PPP2R2B: variants seen among roughly 807,000 people sequenced by gnomAD.
PPP2R2B encodes protein phosphatase 2 regulatory subunit Bbeta, also known as serine/threonine-protein phosphatase 2A 55 kDa regulatory subunit B beta isoform.
PPP2R2B carries 5 observed loss-of-function variants against 46.0 expected under a neutral mutation model. The ratio of observed to expected loss-of-function variants is 0.11; its 90% CI spans 0.06 to 0.23. The LOEUF (loss-of-function observed/expected upper bound fraction) is 0.23, where lower values mean the gene tolerates loss of function less well. Among genes scored for constraint, PPP2R2B ranks in the 10% least tolerant of loss-of-function variants. The pLI, the probability that PPP2R2B is intolerant of heterozygous loss-of-function variation, is 1.00. For missense variants in PPP2R2B, 367 were observed against 575.0 expected, an observed-to-expected ratio of 0.64 and a Z score of 3.70; for synonymous variants, 215 against 206.7, an observed-to-expected ratio of 1.04 and a Z score of -0.34.
chr5:146,672,233 T>C (rs574504462), intron 5 of PPP2R2B, among the ~76,000 whole-genome samples: 10 of 152,332 alleles, frequency 6.6e-5, no homozygotes, highest in African/African-American at 2.4e-4. Context: ...AGCAACATTC[T>C]TGTTTTCGAG....
At chr5:146,819,661 G>T (rs997689726) in intron 2 of PPP2R2B, among the ~76,000 whole-genome samples, 2 of 152,012 alleles carry the variant, frequency 1.3e-5, no homozygotes, top group African/African-American at 4.8e-5. Flanking sequence ...AAATGAATTT[G>T]CTTTTTTTAA....
chr5:147,054,336 G>A (rs553521723), intron 1 of PPP2R2B, among the ~76,000 whole-genome samples: 1 of 152,234 alleles, frequency 6.6e-6, no homozygotes, highest in South Asian at 2.1e-4. Flanking sequence ...TTCTCCTGGA[G>A]ATTTTAGTCC....
At chr5:146,629,637 C>G (rs1271635517) in intron 7 of PPP2R2B, among the ~76,000 whole-genome samples, 2 of 152,152 alleles carry the variant, frequency 1.3e-5, no homozygotes, top group African/African-American at 4.8e-5. Flanking sequence ...TGCAAGTGCT[C>G]TGCTCTGGCC....
chr5:146,755,737 A>G (rs1375001263), intron 2 of PPP2R2B, among the ~76,000 whole-genome samples: 1 of 152,200 alleles, frequency 6.6e-6, no homozygotes. Flanking sequence ...TTAAAAGTAA[A>G]CTTTGTATTG....
intron 2 of PPP2R2B, among the ~76,000 whole-genome samples, chr5:146,838,851 C>A (rs1022594766): frequency 6.6e-6 from 1 of 152,178 alleles, no homozygotes; most frequent in African/African-American, 2.4e-5. Context: ...AAATGACTGC[C>A]TTCCCAAGGC....
intron 1 of PPP2R2B, among the ~76,000 whole-genome samples, chr5:147,019,692 G>T (rs1247546957): frequency 6.6e-6 from 1 of 152,088 alleles, no homozygotes; most frequent in Non-Finnish European, 1.5e-5. Flanking sequence ...ATATAGCAAG[G>T]TGGCTCTTGT....
intron 5 of PPP2R2B, among the ~76,000 whole-genome samples, chr5:146,685,104 G>A (rs774542242): frequency 1.3e-5 from 2 of 152,196 alleles, no homozygotes; most frequent in African/African-American, 4.8e-5. Flanking sequence ...AGTAGACACT[G>A]AGATACAAAA....
chr5:146,681,908 T>C (rs1156823771), intron 5 of PPP2R2B, among the ~76,000 whole-genome samples: 1 of 150,780 alleles, frequency 6.6e-6, no homozygotes, highest in East Asian at 2.0e-4. Context: ...ACATCCAGAT[T>C]TTCTTCTGTA....
chr5:147,005,313 T>A (rs1754384240), intron 1 of PPP2R2B, among the ~76,000 whole-genome samples: 1 of 152,186 alleles, frequency 6.6e-6, no homozygotes, highest in Non-Finnish European at 1.5e-5. Context: ...GTAAACATAC[T>A]TGAAAGTAAA....
intron 1 of PPP2R2B, among the ~76,000 whole-genome samples, chr5:147,020,274 ATT>A (rs1020665509): frequency 6.6e-6 from 1 of 152,086 alleles, no homozygotes; most frequent in African/African-American, 2.4e-5. Context: ...TCCTTGTACC[ATT>A]TATTTAAAGC....
At chr5:147,054,564 A>G (rs865822863) in intron 1 of PPP2R2B, 2 of 455,846 alleles carry the variant, frequency 4.4e-6, no homozygotes, top group Middle Eastern at 6.5e-4. Flanking sequence ...CCAAATGTCT[A>G]CTCCCTTCCC....
intron 1 of PPP2R2B, among the ~76,000 whole-genome samples, chr5:146,979,578 C>A (rs1043792387): frequency 6.6e-6 from 1 of 151,792 alleles, no homozygotes; most frequent in Non-Finnish European, 1.5e-5. Context: ...CACACACACA[C>A]ACACACACAC....
At chr5:146,590,937 C>A (rs1770583849) in intron 9 of PPP2R2B, among the ~76,000 whole-genome samples, 1 of 146,928 alleles carries the variant, frequency 6.8e-6, no homozygotes, top group South Asian at 2.1e-4. Flanking sequence ...ACTTAATGGA[C>A]AGATGGTTTC....
At chr5:146,976,335 C>A (rs1433349402) in intron 1 of PPP2R2B, among the ~76,000 whole-genome samples, 1 of 151,904 alleles carries the variant, frequency 6.6e-6, no homozygotes, top group East Asian at 1.9e-4. Context: ...ATGGGTTTTG[C>A]CATGTTGGCC....
intron 2 of PPP2R2B, among the ~76,000 whole-genome samples, chr5:146,756,502 A>G (rs557695280): frequency 6.6e-6 from 1 of 152,302 alleles, no homozygotes; most frequent in East Asian, 1.9e-4. Flanking sequence ...CGATTAACTG[A>G]AAAGTATATG....
chr5:147,029,932 A>G (rs535657653), intron 1 of PPP2R2B, among the ~76,000 whole-genome samples: 9 of 152,308 alleles, frequency 5.9e-5, no homozygotes, highest in East Asian at 1.9e-4. Flanking sequence ...GCTGACTAAT[A>G]TAAGTGGAAA....
chr5:146,706,314 C>A (rs1779847220), intron 2 of PPP2R2B: 2 of 549,212 alleles, frequency 3.6e-6, no homozygotes, highest in Non-Finnish European at 6.7e-6. Context: ...CTGGAACCTG[C>A]GCCAGAGCGA....
chr5:146,989,319 T>G (rs1244248666), intron 1 of PPP2R2B, among the ~76,000 whole-genome samples: 1 of 152,004 alleles, frequency 6.6e-6, no homozygotes, highest in Non-Finnish European at 1.5e-5. Flanking sequence ...CATACCAATA[T>G]CTCTGATGAA....
intron 1 of PPP2R2B, among the ~76,000 whole-genome samples, chr5:147,004,813 T>C (rs1754358577): frequency 6.6e-6 from 1 of 152,066 alleles, no homozygotes; most frequent in African/African-American, 2.4e-5. Flanking sequence ...CAGGAATAGC[T>C]CTTGTGGTCC....
Sources: allele counts gnomAD v4.1 joint callset (sites outside exome capture counted in the v4.1 genomes callset), GRCh38; gene constraint gnomAD v4.1.1; transcripts MANE v1.5; gene names NCBI Gene and HGNC (gene_info 2026-07-23, HGNC 2026-07-21).